Variants in GNAQ observed in about 807,000 individuals in gnomAD.
The protein encoded by GNAQ is G protein subunit alpha q.
Under a neutral mutation model 43.9 loss-of-function variants are expected in GNAQ, and 8 were observed. The observed-to-expected ratio is 0.18, with a 90% confidence interval of 0.11 to 0.33. The LOEUF is 0.33. GNAQ is among the 10% of genes least tolerant of loss of function. The pLI, the probability that GNAQ is intolerant of heterozygous loss-of-function variation, is 1.00. For missense variants in GNAQ, 158 were observed against 450.8 expected, an observed-to-expected ratio of 0.35 and a Z score of 5.88; for synonymous variants, 155 against 170.7, an observed-to-expected ratio of 0.91 and a Z score of 0.71.
At chr9:77,940,131 G>T (rs139010973) in intron 1 of GNAQ, among the ~76,000 whole-genome samples, 2 of 152,158 alleles carry the variant, frequency 1.3e-5, no homozygotes, top group African/African-American at 4.8e-5. Context: ...TTGTAAAAGA[G>T]CATCTAAAAA....
At chr9:77,975,244 T>A (rs2118472178) in intron 1 of GNAQ, among the ~76,000 whole-genome samples, 1 of 152,262 alleles carries the variant, frequency 6.6e-6, no homozygotes, top group East Asian at 1.9e-4. Context: ...TCTTGGACAG[T>A]CACATTTAAA....
chr9:77,807,041 C>A (rs945693898), intron 3 of GNAQ, among the ~76,000 whole-genome samples: 1 of 152,136 alleles, frequency 6.6e-6, no homozygotes, highest in Non-Finnish European at 1.5e-5. Context: ...TTAGAACTTT[C>A]ATTTTGACAA....
chr9:77,946,290 T>G (rs1314429153), intron 1 of GNAQ, among the ~76,000 whole-genome samples: 2 of 152,222 alleles, frequency 1.3e-5, no homozygotes, highest in African/African-American at 4.8e-5. Flanking sequence ...GTAATCTACC[T>G]GTTGACAAAA....
At chr9:77,797,451 T>TTA in intron 4 of GNAQ, 69 bp downstream of exon 4, 1 of 1,154,836 alleles carries the variant, frequency 8.7e-7, no homozygotes, top group South Asian at 1.2e-5. Context: ...ATTCCAGTAT[T>TTA]TATAGAGTTT....
intron 1 of GNAQ, among the ~76,000 whole-genome samples, chr9:77,924,843 T>C (rs1420163769): frequency 6.6e-6 from 1 of 152,110 alleles, no homozygotes; most frequent in African/African-American, 2.4e-5. Flanking sequence ...GGATCCTTTC[T>C]CAACCATCTC....
intron 5 of GNAQ, among the ~76,000 whole-genome samples, chr9:77,784,165 G>C (rs1390605088): frequency 6.6e-6 from 1 of 151,600 alleles, no homozygotes; most frequent in Non-Finnish European, 1.5e-5. Flanking sequence ...TCCCCTGCCA[G>C]AGATCCATTT....
chr9:77,959,737 T>C (rs1383731719), intron 1 of GNAQ, among the ~76,000 whole-genome samples: 7 of 152,154 alleles, frequency 4.6e-5, no homozygotes. Context: ...ATTTTACCAA[T>C]ACTCAAAGTA....
At chr9:77,923,809 A>G (rs1475621382) in intron 1 of GNAQ, among the ~76,000 whole-genome samples, 1 of 152,184 alleles carries the variant, frequency 6.6e-6, no homozygotes, top group Admixed American at 6.5e-5. Context: ...AGGGAAAGGA[A>G]GGAAAGAAGG....
At chr9:77,940,576 T>A (rs1327153541) in intron 1 of GNAQ, among the ~76,000 whole-genome samples, 1 of 148,230 alleles carries the variant, frequency 6.7e-6, no homozygotes, top group Non-Finnish European at 1.5e-5. Context: ...CCCTGTCTCT[T>A]AAAAAAGAAA....
chr9:77,777,039 G>A (rs1405593086), intron 5 of GNAQ, among the ~76,000 whole-genome samples: 3 of 152,034 alleles, frequency 2.0e-5, no homozygotes, highest in Non-Finnish European at 2.9e-5. Context: ...AAAGACATGT[G>A]CATCAGTGTA....
At chr9:77,737,419 T>C (rs1379799111) in intron 5 of GNAQ, among the ~76,000 whole-genome samples, 3 of 152,226 alleles carry the variant, frequency 2.0e-5, no homozygotes, top group Non-Finnish European at 4.4e-5. Context: ...GTAACAGGCA[T>C]TCCTTCCAGC....
At chr9:77,828,269 T>C (rs900225289) in intron 2 of GNAQ, among the ~76,000 whole-genome samples, 3 of 152,028 alleles carry the variant, frequency 2.0e-5, no homozygotes, top group Non-Finnish European at 4.4e-5. Flanking sequence ...ATATAGCAAT[T>C]AAAATTTTTT....
In GNAQ at chr9:77,858,353, T is replaced by C. The variant is rs192805644; in HGVS notation, c.322-42583A>G. Among the ~76,000 whole-genome samples the C allele has an allele frequency of 5.3e-5, 8 of 152,270 alleles. No individual in the cohort carries two copies. In the East Asian group the frequency reaches 5.8e-4, roughly 11 times the overall value. On this transcript the variant is annotated intron_variant, in intron 2 of 6. Transcript: ENST00000286548. ...GTTGAAGACCATTGCTCTAAATCCATAGGAATGAGTGAATCAAAGAAGGGA... is the reference window on the plus strand; with the variant it reads ...GTTGAAGACCATTGCTCTAAATCCACAGGAATGAGTGAATCAAAGAAGGGA...
chr9:77,726,463 C>T (rs1825397761), intron 6 of GNAQ, among the ~76,000 whole-genome samples: 1 of 152,138 alleles, frequency 6.6e-6, no homozygotes, highest in Non-Finnish European at 1.5e-5. Context: ...TTTCATGAGC[C>T]AGGACTGTAC....
intron 1 of GNAQ, among the ~76,000 whole-genome samples, chr9:78,018,896 G>A (rs1355220509): frequency 2.0e-5 from 3 of 152,170 alleles, no homozygotes; most frequent in African/African-American, 4.8e-5. Context: ...TTAATTCTGA[G>A]ATGGATACAC....
At chr9:77,770,150 G>T (rs1329790595) in intron 5 of GNAQ, among the ~76,000 whole-genome samples, 1 of 152,128 alleles carries the variant, frequency 6.6e-6, no homozygotes, top group Non-Finnish European at 1.5e-5. Context: ...AATTCTAAAT[G>T]AATTTCAGGG....
At chr9:77,805,441 G>T (rs191773855) in intron 3 of GNAQ, among the ~76,000 whole-genome samples, 38 of 151,812 alleles carry the variant, frequency 2.5e-4, no homozygotes, top group South Asian at 1.0e-3. Flanking sequence ...GTCTCGCTCT[G>T]TCGCCCAGGC....
intron 2 of GNAQ, among the ~76,000 whole-genome samples, chr9:77,908,735 T>G (rs1292603969): frequency 6.6e-6 from 1 of 152,216 alleles, no homozygotes; most frequent in East Asian, 1.9e-4. Flanking sequence ...GGTAGCCTAC[T>G]GGTGATTTCA....
intron 1 of GNAQ, among the ~76,000 whole-genome samples, chr9:77,947,994 T>C (rs1333205407): frequency 6.6e-6 from 1 of 152,192 alleles, no homozygotes; most frequent in African/African-American, 2.4e-5. Flanking sequence ...AGGGTGGTTC[T>C]TGAGGATTAA....
Sources: allele counts gnomAD v4.1 joint callset (sites outside exome capture counted in the v4.1 genomes callset), GRCh38; gene constraint gnomAD v4.1.1; transcripts MANE v1.5; gene names NCBI Gene and HGNC (gene_info 2026-07-23, HGNC 2026-07-21).